The following GALNT13 variants were observed in gnomAD, a reference collection of about 807,000 sequenced individuals.
GALNT13 encodes the protein UDP-GalNAc:polypeptide N-acetylgalactosaminyltransferase 13.
GALNT13 carries 28 observed loss-of-function variants against 64.2 expected under a neutral mutation model. The observed-to-expected ratio is 0.44, with a 90% CI of 0.32 to 0.60. The LOEUF is 0.60. GALNT13 is among the 20% of genes least tolerant of loss of function. The pLI is 0.05. For missense variants in GALNT13, 577 were observed against 669.8 expected (o/e 0.86, Z 1.53); for synonymous variants, 214 against 224.6 (o/e 0.95, Z 0.42).
intron 9 of GALNT13, among the ~76,000 whole-genome samples, chr2:154,391,711 T>G (rs1222384061): frequency 1.3e-5 from 2 of 152,208 alleles, no homozygotes; most frequent in African/African-American, 4.8e-5. Flanking sequence ...CCAGGCATTA[T>G]TTATTTAGTA....
At chr2:153,966,922 T>G (rs1348774193) in intron 3 of GALNT13, among the ~76,000 whole-genome samples, 2 of 152,110 alleles carry the variant, frequency 1.3e-5, no homozygotes, top group African/African-American at 2.4e-5. Context: ...CATTCTTTTT[T>G]TATTTTTTCA....
the GALNT13 span, among the ~76,000 whole-genome samples, chr2:153,843,881 T>C: frequency 1.3e-5 from 2 of 152,218 alleles, no homozygotes; most frequent in Non-Finnish European, 2.9e-5. Flanking sequence ...TTAGGTTCCA[T>C]GTACCACATC....
the GALNT13 span, among the ~76,000 whole-genome samples, chr2:153,650,441 A>AT: frequency 6.6e-6 from 1 of 152,292 alleles, no homozygotes; most frequent in East Asian, 1.9e-4. Flanking sequence ...GTGTCTTTTA[A>AT]TTGGAGCATT....
At chr2:154,437,097 GTA>G (rs1701014434) in intron 11 of GALNT13, 1 of 152,844 alleles carries the variant, frequency 6.5e-6, no homozygotes, top group Non-Finnish European at 1.5e-5. Context: ...TGACATCTCT[GTA>G]TGTTTCCCTG....
chr2:153,735,887 A>G, the GALNT13 span, among the ~76,000 whole-genome samples: 4 of 152,168 alleles, frequency 2.6e-5, no homozygotes, highest in African/African-American at 9.7e-5. Flanking sequence ...ATTACTGGTG[A>G]TGTTAACTCT....
intron 3 of GALNT13, among the ~76,000 whole-genome samples, chr2:154,127,983 C>T (rs1175514553): frequency 6.6e-6 from 1 of 151,840 alleles, no homozygotes; most frequent in Non-Finnish European, 1.5e-5. Flanking sequence ...TATTGGTTTA[C>T]AATTCTATAA....
intron 4 of GALNT13, among the ~76,000 whole-genome samples, chr2:154,152,725 G>A (rs1015242268): frequency 2.0e-5 from 3 of 152,000 alleles, no homozygotes; most frequent in African/African-American, 7.3e-5. Context: ...GATCGCATCG[G>A]CTCCTGACAC....
At chr2:153,975,804 T>G (rs1694038548) in intron 3 of GALNT13, among the ~76,000 whole-genome samples, 1 of 151,856 alleles carries the variant, frequency 6.6e-6, no homozygotes, top group South Asian at 2.1e-4. Context: ...GCTAAGAGAG[T>G]AGGTCTTAAA....
intron 3 of GALNT13, among the ~76,000 whole-genome samples, chr2:154,075,485 T>A (rs1700941650): frequency 6.6e-6 from 1 of 151,904 alleles, no homozygotes; most frequent in Non-Finnish European, 1.5e-5. Context: ...ATAACAGTTT[T>A]AGTTACTAAG....
the GALNT13 span, among the ~76,000 whole-genome samples, chr2:153,432,917 A>G: frequency 6.6e-6 from 1 of 152,198 alleles, no homozygotes; most frequent in Non-Finnish European, 1.5e-5. Context: ...ACTTGATTTA[A>G]TGACCTACCT....
At chr2:153,535,971 T>C in the GALNT13 span, among the ~76,000 whole-genome samples, 1 of 152,276 alleles carries the variant, frequency 6.6e-6, no homozygotes, top group South Asian at 2.1e-4. Flanking sequence ...CCAGTGAAAG[T>C]ATCTACCTAG....
At chr2:153,381,189 G>A in the GALNT13 span, among the ~76,000 whole-genome samples, 22,092 of 151,972 alleles carry the variant, frequency 0.15, 1,663 homozygotes, top group Non-Finnish European at 0.17. Flanking sequence ...TCAAGCCATC[G>A]ATCCTCCTCA....
chr2:153,991,995 A>G (rs1163159888), intron 3 of GALNT13, among the ~76,000 whole-genome samples: 1 of 152,174 alleles, frequency 6.6e-6, no homozygotes, highest in Non-Finnish European at 1.5e-5. Context: ...GTTTGAAATC[A>G]TGGGAGAGTG....
intron 3 of GALNT13, among the ~76,000 whole-genome samples, chr2:154,079,667 G>A (rs6739336): frequency 0.76 from 114,291 of 151,196 alleles, 43,573 homozygotes; most frequent in East Asian, 0.96. Flanking sequence ...CCCTCCTTAT[G>A]CTCCAGAGAT....
In GALNT13 at chr2:154,445,497, A is replaced by T. The variant is rs531524093; in HGVS notation, c.1531-4914A>T. Reference sequence around the variant, plus strand: ...ATCTAGCCTAGCAGTTTTGAACAGTATGGGTGGAAAATTCATGTTTGGTTT... The same window carrying T: ...ATCTAGCCTAGCAGTTTTGAACAGTTTGGGTGGAAAATTCATGTTTGGTTT... On this transcript the variant is annotated intron_variant, in intron 12 of 12. Coordinates refer to ENST00000392825, the MANE Select transcript of GALNT13 (RefSeq NM_052917.4). 9.5e-4 allele frequency among the ~76,000 whole-genome samples: 145 copies of T among 152,020 alleles called. 1 individual carries two copies. Among genetic ancestry groups the T allele is most frequent in the Non-Finnish European group, 1.5e-3 (99 of 67,916 alleles).
At chr2:154,337,051 T>TTTTTTTATAGA (rs1366613339) in intron 9 of GALNT13, among the ~76,000 whole-genome samples, 1 of 152,122 alleles carries the variant, frequency 6.6e-6, no homozygotes, top group Non-Finnish European at 1.5e-5. Flanking sequence ...AAAATATACA[T>TTTTTTTATAGA]GTATGCCTGT....
At chr2:154,053,549 GA>G (rs144983140) in intron 3 of GALNT13, among the ~76,000 whole-genome samples, 8 of 149,406 alleles carry the variant, frequency 5.4e-5, no homozygotes, top group South Asian at 2.1e-4. Context: ...TACAAAAATT[GA>G]AAAAAAAATT....
the GALNT13 span, among the ~76,000 whole-genome samples, chr2:153,257,437 T>C: frequency 6.6e-6 from 1 of 152,114 alleles, no homozygotes; most frequent in Non-Finnish European, 1.5e-5. Context: ...CTGGGAGCTG[T>C]AGACCTGAGC....
At chr2:154,310,127 C>A (rs1169053599) in intron 9 of GALNT13, among the ~76,000 whole-genome samples, 4 of 152,136 alleles carry the variant, frequency 2.6e-5, no homozygotes, top group Non-Finnish European at 5.9e-5. Context: ...AATCATCCAC[C>A]CCTATCAATT....
Sources: allele counts gnomAD v4.1 joint callset (sites outside exome capture counted in the v4.1 genomes callset), GRCh38; gene constraint gnomAD v4.1.1; transcripts MANE v1.5; gene names NCBI Gene and HGNC (gene_info 2026-07-23, HGNC 2026-07-21).